Variants in EXOC1 observed in about 807,000 individuals in gnomAD.
The protein encoded by EXOC1 is SEC3-like 1.
In EXOC1, 67 loss-of-function variants were observed where a neutral mutation model predicts 107.7. The observed-to-expected ratio is 0.62, with a 90% CI of 0.51 to 0.76. The LOEUF (loss-of-function observed/expected upper bound fraction) is 0.76. EXOC1 is among the 30% of genes least tolerant of loss of function. The probability of loss-of-function intolerance (pLI) is 0.00; values close to 1 mark genes in which losing one functional copy is unlikely to be tolerated. For synonymous variants in EXOC1, 348 were observed against 353.5 expected, an observed-to-expected ratio of 0.98 and a Z score of 0.17; for missense variants, 833 against 1,055.7, an observed-to-expected ratio of 0.79 and a Z score of 2.92.
At chr4:55,893,049 C>T (rs571038357) in intron 14 of EXOC1, among the ~76,000 whole-genome samples, 2 of 152,238 alleles carry the variant, frequency 1.3e-5, no homozygotes, top group South Asian at 2.1e-4. Flanking sequence ...TGATAAAACC[C>T]AACATCAGTA....
chr4:55,894,842 A>T (rs967026464), intron 15 of EXOC1, among the ~76,000 whole-genome samples: 9 of 151,838 alleles, frequency 5.9e-5, no homozygotes, highest in Non-Finnish European at 1.2e-4. Flanking sequence ...TGCTGGTCTC[A>T]AACTCCCAAC....
At position 55,859,257 on chromosome 4, in the gene EXOC1, A is replaced by G. The variant is rs954907086; in HGVS notation, c.124+810A>G. On this transcript the variant is annotated intron_variant, in intron 2 of 18. Coordinates refer to ENST00000381295, the MANE Select transcript of EXOC1 (RefSeq NM_001024924.2). ...TTTATTGTATTGAATCTTTGTGTCC[A>G]TGAACATGGTACAGTTCTCTATTTA... Among the ~76,000 whole-genome samples, 8 of 152,260 alleles carry G rather than the reference A, an allele frequency of 5.3e-5. No individual in the cohort carries two copies. In the South Asian group the frequency reaches 1.7e-3, roughly 32 times the overall value.
intron 1 of EXOC1, among the ~76,000 whole-genome samples, chr4:55,857,415 G>A (rs1467285078): frequency 4.0e-5 from 6 of 151,610 alleles, no homozygotes; most frequent in Admixed American, 1.3e-4. Context: ...TGATCCGCCC[G>A]CCTCGGCCTC....
chr4:55,895,839 A>G lies in EXOC1; in HGVS notation c.1954-878A>G, dbSNP rs530312519. Among the ~76,000 whole-genome samples, 3 of 152,378 alleles carry G rather than the reference A, an allele frequency of 2.0e-5. No individual in the cohort carries two copies. In the East Asian group the frequency reaches 5.8e-4, roughly 29 times the overall value. On this transcript the variant is annotated intron_variant, in intron 15 of 18. Coordinates refer to ENST00000381295, the MANE Select transcript of EXOC1 (RefSeq NM_001024924.2). ...GACTAATAAATATATGGAAAATTAA[A>G]TAATGCAAATCCATATGGAAATGCC...
intron 11 of EXOC1, among the ~76,000 whole-genome samples, chr4:55,889,672 A>C (rs989345821): frequency 6.6e-6 from 1 of 152,206 alleles, no homozygotes; most frequent in African/African-American, 2.4e-5. Flanking sequence ...AGAGTTTGGA[A>C]CATACTAAGT....
chr4:55,867,219 T>G (rs1722034607), intron 4 of EXOC1, among the ~76,000 whole-genome samples: 1 of 152,172 alleles, frequency 6.6e-6, no homozygotes, highest in African/African-American at 2.4e-5. Flanking sequence ...CGCAGTGAAT[T>G]AAATGGACTC....
Position 55,904,655 on chromosome 4 carries a change from A to G in EXOC1, c.*160A>G. ...TACCATACTACAAATATTTAAATGC[A>G]AAATTACCAACCTATATAGCAGTTT... is the stretch of plus-strand genomic sequence containing the variant. On this transcript the variant is annotated 3_prime_UTR_variant, in exon 19 of 19. Coordinates refer to ENST00000381295, the MANE Select transcript of EXOC1 (RefSeq NM_001024924.2). 1.6e-6 allele frequency: 1 copy of G among 622,710 alleles called. No homozygotes were observed. Among genetic ancestry groups the G allele is most frequent in the Non-Finnish European group, 2.4e-6 (1 of 408,972 alleles). The allele number at this position is 622,710 out of a possible 1,614,324, so 38.6% of individuals were successfully genotyped here. A position where few individuals can be genotyped will look rare whatever the true frequency, so the allele number is the denominator to read the frequency against.
In EXOC1 at chr4:55,871,291, TTG is replaced by T. The variant is rs1195765846; in HGVS notation, c.964+60_964+61del. 1.3e-5 allele frequency: 20 copies of T among 1,562,584 alleles called. 1 individual carries two copies. In the African/African-American group the frequency reaches 1.9e-4, roughly 15 times the overall value. On this transcript the variant is annotated intron_variant, in intron 7 of 18. Coordinates refer to ENST00000381295, the MANE Select transcript of EXOC1 (RefSeq NM_001024924.2). ...AAGAATGTGAGACTAAGCCTGTAAC[TTG>T]TTATAAAGGTTTTGACAAGAAATAC... is the stretch of plus-strand genomic sequence containing the variant.
intron 5 of EXOC1, among the ~76,000 whole-genome samples, chr4:55,870,132 C>T (rs191295576): frequency 2.4e-4 from 36 of 152,228 alleles, no homozygotes; most frequent in African/African-American, 7.2e-4. Context: ...TCTTCTACAT[C>T]CTGTTACTAG....
intron 8 of EXOC1, chr4:55,876,842 G>C: frequency 1.0e-6 from 1 of 984,646 alleles, no homozygotes; most frequent in Non-Finnish European, 1.2e-6. Context: ...TTTAAATTGG[G>C]ATATATTCTC....
chr4:55,863,418 A>G (rs549170822), intron 3 of EXOC1, among the ~76,000 whole-genome samples: 1 of 152,200 alleles, frequency 6.6e-6, no homozygotes, highest in East Asian at 1.9e-4. Context: ...CAGGAGGATC[A>G]ACTGGATAAC....
Position 55,893,564 on chromosome 4 carries a change from C to G in EXOC1, c.1737C>G (p.Ile579Met). The change falls in exon 15 of 19, where the codon ATC (isoleucine) becomes ATG (methionine). Residue 579 changes from isoleucine (I) to methionine (M), a missense_variant. By Grantham distance (10) the Ile-to-Met change is conservative. Transcript: ENST00000381295. ...GTTTTCTGAACAGGAAAGATATGATCCGCCAAATGATGATTAAAATATTTC... is the reference window on the plus strand; with the variant it reads ...GTTTTCTGAACAGGAAAGATATGATGCGCCAAATGATGATTAAAATATTTC... ...PLPVSSEKDM[I>M]RQMMIKIFRC... The G allele has an allele frequency of 6.2e-7, 1 of 1,612,806 alleles. No homozygotes were observed. Among genetic ancestry groups the G allele is most frequent in the South Asian group, 1.1e-5 (1 of 90,910 alleles).
Position 55,904,335 on chromosome 4 carries a change from A to G in EXOC1, c.2533-8A>G. Reference sequence around the variant, plus strand: ...TCATAGCCTAATGACTTTTTTTTTTAATAATAGGTGGTGTGGCACTCCATG... The same window carrying G: ...TCATAGCCTAATGACTTTTTTTTTTGATAATAGGTGGTGTGGCACTCCATG... On this transcript the variant is annotated splice_polypyrimidine_tract_variant and splice_region_variant and intron_variant, in intron 18 of 18. Coordinates refer to ENST00000381295, the MANE Select transcript of EXOC1 (RefSeq NM_001024924.2). 1 of 1,560,372 alleles carries G rather than the reference A, an allele frequency of 6.4e-7. No homozygotes were observed. The highest frequency in any genetic ancestry group is 8.6e-7 in the Non-Finnish European group (1 of 1,156,076).
At chr4:55,862,557 A>G (rs1207462112) in intron 3 of EXOC1, among the ~76,000 whole-genome samples, 1 of 152,156 alleles carries the variant, frequency 6.6e-6, no homozygotes, top group Non-Finnish European at 1.5e-5. Flanking sequence ...TTTTTTTGTA[A>G]GTAATAATGC....
intron 9 of EXOC1, among the ~76,000 whole-genome samples, chr4:55,880,632 A>G (rs1055862361): frequency 1.3e-5 from 2 of 152,248 alleles, no homozygotes; most frequent in Non-Finnish European, 2.9e-5. Context: ...TAAGTAATCA[A>G]TAAGCTTTTT....
intron 13 of EXOC1, among the ~76,000 whole-genome samples, 154 bp downstream of exon 13, chr4:55,891,576 T>C (rs1444099645): frequency 1.3e-5 from 2 of 152,176 alleles, no homozygotes; most frequent in Non-Finnish European, 2.9e-5. Flanking sequence ...ATGTAAGGAA[T>C]TTTTGTAATA....
chr4:55,887,553 T>A (rs1394771021), intron 10 of EXOC1, among the ~76,000 whole-genome samples: 2 of 152,066 alleles, frequency 1.3e-5, no homozygotes, highest in African/African-American at 4.8e-5. Flanking sequence ...CAAATTATAA[T>A]TAATAGGCAC....
In EXOC1 at chr4:55,871,175, G is replaced by T. The variant is rs371142509; in HGVS notation, c.906G>T (p.Glu302Asp). Residue 302 changes from glutamate to aspartate, a missense_variant, in exon 7 of 19, where the codon GAG becomes GAT. Glu to Asp is a conservative substitution (Grantham distance 45). Transcript: ENST00000381295. ...ATCTTGCTTCTTCCAGAGGCATTGA[G>T]GCCTGCACCAATGCTGCTGATGCCC... ...EGDLASSRGIEACTNAADALL... is the reference protein window; with the variant it reads ...EGDLASSRGIDACTNAADALL... 6.2e-7 allele frequency: 1 copy of T among 1,613,878 alleles called. No homozygotes were observed. Among genetic ancestry groups the T allele is most frequent in the Non-Finnish European group, 8.5e-7 (1 of 1,179,868 alleles).
rs771117065 is a variant in EXOC1 at position 55,905,046 on chromosome 4, T to G, written c.*551T>G. The G allele has an allele frequency of 1.3e-5, 2 of 152,234 alleles. No homozygotes were observed. The highest frequency in any genetic ancestry group is 2.4e-5 in the African/African-American group (1 of 41,454). The allele number at this position is 152,234 out of a possible 1,614,324, so 9.4% of individuals were successfully genotyped here. A position where few individuals can be genotyped will look rare whatever the true frequency, so the allele number is the denominator to read the frequency against. On this transcript the variant is annotated 3_prime_UTR_variant, in exon 19 of 19. Transcript: ENST00000381295. ...TTTGATAATATTTTTAGGTCTATCA[T>G]ATGCTGTCTTCTGTATTAAAGCAAG...
Sources: allele counts gnomAD v4.1 joint callset (sites outside exome capture counted in the v4.1 genomes callset), GRCh38; gene constraint gnomAD v4.1.1; transcripts MANE v1.5; gene names NCBI Gene and HGNC (gene_info 2026-07-23, HGNC 2026-07-21).